Variants in NOMO1 observed in about 807,000 individuals in gnomAD.
NOMO1 encodes the protein nodal modulator 3.
In NOMO1, 40 loss-of-function variants were observed where a neutral mutation model predicts 133.8. That is an observed-to-expected ratio of 0.30 (90% CI 0.23 to 0.39). NOMO1 has a LOEUF of 0.39. Among genes scored for constraint, NOMO1 ranks in the 10% least tolerant of loss-of-function variants. The probability of loss-of-function intolerance (pLI) is 1.00; values close to 1 mark genes in which losing one functional copy is unlikely to be tolerated. For synonymous variants in NOMO1, 236 were observed against 570.5 expected, an observed-to-expected ratio of 0.41 and a Z score of 8.36; for missense variants, 462 against 1,419.9, an observed-to-expected ratio of 0.33 and a Z score of 10.84.
At chr16:14,893,107 G>A (rs1940581251) in intron 29 of NOMO1, among the ~76,000 whole-genome samples, 1 of 150,794 alleles carries the variant, frequency 6.6e-6, no homozygotes, top group African/African-American at 2.4e-5. Context: ...GTCTCAACGT[G>A]GTTGCCTGAG....
chr16:14,877,570 A>G (rs577242793), intron 22 of NOMO1, among the ~76,000 whole-genome samples: 38 of 152,214 alleles, frequency 2.5e-4, no homozygotes, highest in African/African-American at 8.9e-4. Context: ...GATTGGTAAG[A>G]AAAAGACAAC....
intron 28 of NOMO1, among the ~76,000 whole-genome samples, chr16:14,887,768 A>G (rs1964347485): frequency 6.6e-6 from 1 of 152,094 alleles, no homozygotes; most frequent in African/African-American, 2.4e-5. Context: ...TGTAATTTTT[A>G]AAAATTCCTC....
rs528884425 is a variant in NOMO1, at chr16:14,864,469, C to G, written c.1396-116C>G. ...TTGTAAAATCGGCCTGGAAACGAACCTTTGGCCTTCAAAATCTCTTTAGCC... is the reference window on the plus strand; with the variant it reads ...TTGTAAAATCGGCCTGGAAACGAACGTTTGGCCTTCAAAATCTCTTTAGCC... On this transcript the variant is annotated intron_variant, in intron 12 of 30. Transcript: ENST00000287667. 4.0e-5 allele frequency: 62 copies of G among 1,536,108 alleles called. 1 individual carries two copies. The Admixed American group carries it at 1.2e-3, about 31-fold the overall frequency.
intron 26 of NOMO1, 99 bp downstream of exon 26, chr16:14,882,776 G>A (rs1374117676): frequency 1.9e-6 from 3 of 1,595,848 alleles, no homozygotes; most frequent in East Asian, 2.2e-5. Context: ...TCTGTGGCGG[G>A]GGGAACTTTC....
chr16:14,856,319 G>A (rs1056247354), intron 9 of NOMO1, among the ~76,000 whole-genome samples: 1 of 152,128 alleles, frequency 6.6e-6, no homozygotes, highest in Non-Finnish European at 1.5e-5. Context: ...AAGCACCGGT[G>A]TGCTGCTCAC....
rs373919626 is a variant in NOMO1, at chr16:14,884,474, A to G, written c.3214A>G (p.Thr1072Ala). The G allele has an allele frequency of 2.5e-6, 4 of 1,611,520 alleles. No individual in the cohort carries two copies. Among genetic ancestry groups the G allele is most frequent in the African/African-American group, 1.3e-5 (1 of 74,684 alleles). The change falls in exon 27 of 31, where the codon ACA (threonine) becomes GCA (alanine). Residue 1072 changes from threonine to alanine, a missense_variant. Thr to Ala is a moderately conservative substitution (Grantham distance 58, BLOSUM62 0). Transcript: ENST00000287667. The part of the protein sequence containing the change: ...NVITSSEYLP[T>A]LWVKLYKSEN... The stretch of plus-strand genomic sequence containing the variant: ...GATCACTTCCTCTGAATACCTTCCT[A>G]CATTATGGGTAAGTCCAGACTTTTA...
chr16:14,837,052 C>G (rs564192461), intron 1 of NOMO1, among the ~76,000 whole-genome samples: 35 of 151,868 alleles, frequency 2.3e-4, no homozygotes, highest in African/African-American at 8.2e-4. Flanking sequence ...GGGTCTCACA[C>G]TGTTGCTCAG....
chr16:14,845,344 G>A (rs371720035), intron 4 of NOMO1, among the ~76,000 whole-genome samples: 1 of 152,050 alleles, frequency 6.6e-6, no homozygotes. Flanking sequence ...GCCGCTGTTA[G>A]CGTTTATGTC....
chr16:14,840,453 C>T (rs1277467293), intron 2 of NOMO1, among the ~76,000 whole-genome samples: 1 of 56,744 alleles, frequency 1.8e-5, no homozygotes, highest in Non-Finnish European at 3.1e-5. Context: ...CCGGGTGTCA[C>T]GTGGATGCCT....
At chr16:14,847,881 T>C (rs1322571246) in intron 5 of NOMO1, among the ~76,000 whole-genome samples, 1 of 151,946 alleles carries the variant, frequency 6.6e-6, no homozygotes, top group Admixed American at 6.6e-5. Context: ...TCTCCAGGCC[T>C]GGTGTGTAGC....
At chr16:14,889,562 C>A (rs539556767) in intron 29 of NOMO1, among the ~76,000 whole-genome samples, 1,703 of 151,672 alleles carry the variant, frequency 0.011, 34 homozygotes, top group African/African-American at 0.036. Flanking sequence ...AAAACAAAAC[C>A]AAACAATCCA....
intron 29 of NOMO1, among the ~76,000 whole-genome samples, chr16:14,894,128 C>T (rs1396246345): frequency 6.6e-6 from 1 of 151,438 alleles, no homozygotes; most frequent in African/African-American, 2.4e-5. Context: ...ATTTCAGGGG[C>T]TTTAGCAAGA....
intron 15 of NOMO1, among the ~76,000 whole-genome samples, chr16:14,866,911 A>G (rs1287536349): frequency 1.3e-5 from 2 of 149,298 alleles, no homozygotes; most frequent in Non-Finnish European, 3.0e-5. Context: ...CTGGCCCTAC[A>G]CTAAATCTGA....
chr16:14,881,488 G>A (rs1458396151), intron 24 of NOMO1, 56 bp from the exon 25 acceptor site: 1 of 1,604,210 alleles, frequency 6.2e-7, no homozygotes, highest in African/African-American at 1.3e-5. Flanking sequence ...GGAAACACTT[G>A]GGTCCTTCAG....
chr16:14,868,524 A>G (rs1328334145), intron 15 of NOMO1, 24 bp from the exon 16 acceptor site: 1 of 1,610,672 alleles, frequency 6.2e-7, no homozygotes, highest in East Asian at 2.2e-5. Flanking sequence ...CTTAGTAGTC[A>G]TTGTATTGGC....
intron 2 of NOMO1, among the ~76,000 whole-genome samples, chr16:14,838,934 G>A (rs1963562386): frequency 6.6e-6 from 1 of 151,492 alleles, no homozygotes; most frequent in South Asian, 2.1e-4. Flanking sequence ...CATGAACTTT[G>A]TGAAAAAGAA....
At chr16:14,838,937 A>C (rs1963562431) in intron 2 of NOMO1, among the ~76,000 whole-genome samples, 2 of 151,778 alleles carry the variant, frequency 1.3e-5, no homozygotes, top group South Asian at 4.2e-4. Flanking sequence ...GAACTTTGTG[A>C]AAAAGAAAGT....
intron 22 of NOMO1, among the ~76,000 whole-genome samples, chr16:14,877,811 G>T (rs1964183197): frequency 1.4e-5 from 2 of 146,788 alleles, no homozygotes; most frequent in South Asian, 2.3e-4. Context: ...GACTGTAAGT[G>T]GTTACAGCCA....
chr16:14,885,033 T>C (rs537333755), intron 27 of NOMO1, among the ~76,000 whole-genome samples: 37 of 152,090 alleles, frequency 2.4e-4, no homozygotes, highest in African/African-American at 8.5e-4. Context: ...AGGCATGTCA[T>C]GTGGGAGAAG....
Sources: gnomAD v4.1 joint callset for allele counts (sites outside exome capture counted in the v4.1 genomes callset) on GRCh38, gnomAD v4.1.1 for gene constraint, MANE v1.5 for transcripts, NCBI Gene and HGNC (gene_info 2026-07-23, HGNC 2026-07-21) for gene names.